Variants in EFCAB6 observed in about 807,000 individuals in gnomAD.
EFCAB6 encodes the protein EF-hand calcium-binding domain-containing protein 6.
A neutral mutation model predicts 169.8 loss-of-function variants in EFCAB6; 156 were observed. That is an observed-to-expected ratio of 0.92 (90% CI 0.81 to 1.05). The LOEUF (loss-of-function observed/expected upper bound fraction) is 1.05, where lower values mean the gene tolerates loss of function less well. Ranked by LOEUF, EFCAB6 falls within the 50% of genes least tolerant of loss-of-function variation. EFCAB6 has a pLI of 0.00. For synonymous variants in EFCAB6, 698 were observed against 676.4 expected, an observed-to-expected ratio of 1.03 and a Z score of -0.50; for missense variants, 1,800 against 1,829.1, an observed-to-expected ratio of 0.98 and a Z score of 0.29.
intron 26 of EFCAB6, among the ~76,000 whole-genome samples, chr22:43,557,388 T>C (rs1338597221): frequency 6.6e-6 from 1 of 152,198 alleles, no homozygotes; most frequent in Non-Finnish European, 1.5e-5. Flanking sequence ...TCAGACGAAA[T>C]TGAACAGTTT....
intron 10 of EFCAB6, among the ~76,000 whole-genome samples, chr22:43,691,112 T>C (rs2058398103): frequency 6.6e-6 from 1 of 152,164 alleles, no homozygotes; most frequent in Non-Finnish European, 1.5e-5. Flanking sequence ...AGACGGAGAC[T>C]GATTAATTGA....
chr22:43,752,964 T>C (rs1569470322), intron 6 of EFCAB6, among the ~76,000 whole-genome samples: 1 of 152,180 alleles, frequency 6.6e-6, no homozygotes, highest in Non-Finnish European at 1.5e-5. Context: ...CACTCATCAG[T>C]AGGGGAAGGG....
chr22:43,531,328 T>A (rs2047053708), intron 30 of EFCAB6, among the ~76,000 whole-genome samples: 1 of 151,936 alleles, frequency 6.6e-6, no homozygotes, highest in South Asian at 2.1e-4. Context: ...CCACACCACC[T>A]CCCAGGGAAT....
intron 27 of EFCAB6, among the ~76,000 whole-genome samples, chr22:43,541,417 G>A (rs1385387074): frequency 6.6e-6 from 1 of 152,154 alleles, no homozygotes; most frequent in Non-Finnish European, 1.5e-5. Context: ...TAGACTTGCA[G>A]GAGGTGACAA....
chr22:43,811,926 A>C (rs905833102), intron 1 of EFCAB6, among the ~76,000 whole-genome samples: 5 of 152,170 alleles, frequency 3.3e-5, no homozygotes, highest in Non-Finnish European at 5.9e-5. Context: ...TCTTCTCCAC[A>C]TATCAGGTAA....
chr22:43,690,992 T>G (rs775275145), intron 10 of EFCAB6, among the ~76,000 whole-genome samples: 1 of 152,060 alleles, frequency 6.6e-6, no homozygotes, highest in Non-Finnish European at 1.5e-5. Context: ...TTACAGCATC[T>G]AATACTTCTA....
Position 43,799,709 on chromosome 22 carries a change from A to C in EFCAB6, c.-8+9286T>G, listed in dbSNP as rs181987870. On this transcript the variant is annotated intron_variant, in intron 2 of 31. Coordinates refer to ENST00000262726, the MANE Select transcript of EFCAB6 (RefSeq NM_022785.4). ...GCAAGCTGGCTTCACTCTCACCTGAAAACCAAAGTAAATATACAGTGCCGA... is the reference window on the plus strand; with the variant it reads ...GCAAGCTGGCTTCACTCTCACCTGACAACCAAAGTAAATATACAGTGCCGA... Among the ~76,000 whole-genome samples the C allele has an allele frequency of 1.4e-3, 212 of 152,350 alleles. 1 individual carries two copies. Among genetic ancestry groups the C allele is most frequent in the Non-Finnish European group, 1.0e-3 (70 of 68,030 alleles).
intron 7 of EFCAB6, 100 bp downstream of exon 7, chr22:43,735,757 A>G (rs1603298525): frequency 3.8e-6 from 5 of 1,331,860 alleles, no homozygotes; most frequent in East Asian, 2.4e-5. Flanking sequence ...TGGCAGGGGG[A>G]GGTGAGAGAT....
chr22:43,708,574 T>C (rs2059043116), intron 10 of EFCAB6, among the ~76,000 whole-genome samples: 1 of 152,166 alleles, frequency 6.6e-6, no homozygotes, highest in African/African-American at 2.4e-5. Flanking sequence ...ATGTTACTCT[T>C]GGAATTTTAA....
chr22:43,667,332 C>T (rs1026482837), intron 16 of EFCAB6, 60 bp from the exon 17 acceptor site: 2 of 1,555,936 alleles, frequency 1.3e-6, no homozygotes, highest in Non-Finnish European at 1.8e-6. Context: ...GGTGCTTCCT[C>T]CAGACTGCAC....
intron 10 of EFCAB6, among the ~76,000 whole-genome samples, chr22:43,689,888 T>C (rs535523946): frequency 6.6e-6 from 1 of 152,212 alleles, no homozygotes; most frequent in Non-Finnish European, 1.5e-5. Context: ...ATTAAGTCTC[T>C]TTCTATGATC....
At chr22:43,789,884 A>AC (rs2062219547) in intron 2 of EFCAB6, among the ~76,000 whole-genome samples, 4 of 107,870 alleles carry the variant, frequency 3.7e-5, no homozygotes, top group Admixed American at 8.6e-5. Context: ...CACACACACA[A>AC]AAGTCTTCCT....
chr22:43,804,406 T>C (rs2062836557), intron 2 of EFCAB6, among the ~76,000 whole-genome samples: 1 of 152,082 alleles, frequency 6.6e-6, no homozygotes, highest in Admixed American at 6.6e-5. Context: ...AATGATGCAC[T>C]TCAAGGAGCT....
chr22:43,661,445 T>C (rs896505281), intron 17 of EFCAB6, among the ~76,000 whole-genome samples: 1 of 152,184 alleles, frequency 6.6e-6, no homozygotes, highest in Middle Eastern at 3.4e-3. Context: ...TTTCAGAACA[T>C]TGTTATGTTA....
At chr22:43,711,944 T>C (rs1004882100) in intron 9 of EFCAB6, among the ~76,000 whole-genome samples, 3 of 152,188 alleles carry the variant, frequency 2.0e-5, no homozygotes, top group Non-Finnish European at 2.9e-5. Flanking sequence ...TAATATACTT[T>C]CAAGTTTTTC....
intron 24 of EFCAB6, 51 bp from the exon 25 acceptor site, chr22:43,580,710 C>G: frequency 1.3e-6 from 2 of 1,583,844 alleles, no homozygotes; most frequent in Non-Finnish European, 1.7e-6. Flanking sequence ...AGCCACCCTA[C>G]TGCTTATTCA....
chr22:43,534,846 T>C lies in EFCAB6; in HGVS notation c.4075A>G (p.Ile1359Val), dbSNP rs745748037. ...AGCTGCTGACACTCCTCTTTGCTTA[T>C]GTCCAGGTTGAATTTCTCCACAAGA... is the stretch of plus-strand genomic sequence containing the variant. ...LALVEKFNLD[I>V]SKEECQQLII... Residue 1359 changes from isoleucine to valine, a missense_variant, in exon 30 of 32, where the codon ATA (isoleucine) becomes GTA (valine). Coordinates refer to ENST00000262726, the MANE Select transcript of EFCAB6 (RefSeq NM_022785.4). The C allele has an allele frequency of 1.9e-6, 3 of 1,604,552 alleles. No homozygotes were observed. The highest frequency in any genetic ancestry group is 2.5e-6 in the Non-Finnish European group (3 of 1,177,580).
intron 17 of EFCAB6, among the ~76,000 whole-genome samples, chr22:43,663,339 C>T (rs1603055551): frequency 6.6e-6 from 1 of 152,302 alleles, no homozygotes; most frequent in East Asian, 1.9e-4. Context: ...AACCTAAATC[C>T]TTTCTTTCTA....
rs537450843 is a variant in EFCAB6 at position 43,610,724 on chromosome 22, T to C, written c.2563-2124A>G. On this transcript the variant is annotated intron_variant, in intron 21 of 31. Transcript: ENST00000262726. ...TTTTATATACTTCATTGTAGAGTCA[T>C]AACTTAAAAAAAAATTATGCTTTAA... is the stretch of plus-strand genomic sequence containing the variant. 5.9e-5 allele frequency among the ~76,000 whole-genome samples: 9 copies of C among 152,264 alleles called. No homozygotes were observed. The East Asian group carries it at 1.7e-3, about 29-fold the overall frequency.
Sources: allele counts gnomAD v4.1 joint callset (sites outside exome capture counted in the v4.1 genomes callset), GRCh38; gene constraint gnomAD v4.1.1; transcripts MANE v1.5; gene names NCBI Gene and HGNC (gene_info 2026-07-23, HGNC 2026-07-21).